The following KCNB2 variants were observed in gnomAD, a reference collection of about 807,000 sequenced individuals.
KCNB2 encodes potassium voltage-gated channel subfamily B member 2.
KCNB2 carries 15 observed loss-of-function variants against 61.5 expected under a neutral mutation model. The observed-to-expected ratio is 0.24, with a 90% CI of 0.16 to 0.38. The LOEUF (loss-of-function observed/expected upper bound fraction) is 0.38, where lower values mean the gene tolerates loss of function less well. Ranked by LOEUF, KCNB2 falls within the 10% of genes least tolerant of loss-of-function variation. KCNB2 has a pLI of 1.00. For missense variants in KCNB2, 828 were observed against 1,125.2 expected, an observed-to-expected ratio of 0.74 and a Z score of 3.78; for synonymous variants, 457 against 446.0, an observed-to-expected ratio of 1.02 and a Z score of -0.31.
chr8:72,600,563 T>C (rs757230787), intron 2 of KCNB2, among the ~76,000 whole-genome samples: 7 of 151,720 alleles, frequency 4.6e-5, no homozygotes, highest in Non-Finnish European at 8.8e-5. Context: ...CTGTACGTTG[T>C]GTACATGTAC....
At chr8:72,599,310 C>T (rs999606709) in intron 2 of KCNB2, among the ~76,000 whole-genome samples, 1 of 152,178 alleles carries the variant, frequency 6.6e-6, no homozygotes, top group Non-Finnish European at 1.5e-5. Context: ...CTACAACTAT[C>T]TGATCTTTGA....
intron 2 of KCNB2, among the ~76,000 whole-genome samples, chr8:72,607,400 G>C (rs1454046075): frequency 1.3e-5 from 2 of 152,192 alleles, no homozygotes; most frequent in Non-Finnish European, 2.9e-5. Flanking sequence ...ATTTCGGGGA[G>C]AGAGATGGAG....
intron 2 of KCNB2, among the ~76,000 whole-genome samples, chr8:72,626,517 T>A (rs939589167): frequency 6.6e-6 from 1 of 152,236 alleles, no homozygotes; most frequent in South Asian, 2.1e-4. Flanking sequence ...CTAGCTCTTG[T>A]TGAATTGCAG....
intron 2 of KCNB2, among the ~76,000 whole-genome samples, chr8:72,606,894 T>A (rs1805460344): frequency 6.6e-6 from 1 of 152,112 alleles, no homozygotes; most frequent in Non-Finnish European, 1.5e-5. Flanking sequence ...TGAGTGCCTC[T>A]CCTATGGGCT....
At chr8:72,590,413 C>T (rs1807076420) in intron 2 of KCNB2, among the ~76,000 whole-genome samples, 1 of 151,994 alleles carries the variant, frequency 6.6e-6, no homozygotes, top group East Asian at 1.9e-4. Flanking sequence ...GGAGCTAATA[C>T]CATTGAGCAA....
At chr8:72,867,032 A>G (rs1805531684) in intron 2 of KCNB2, among the ~76,000 whole-genome samples, 1 of 152,218 alleles carries the variant, frequency 6.6e-6, no homozygotes, top group Admixed American at 6.5e-5. Flanking sequence ...CTGAGTCCCA[A>G]GGAATTTCTA....
chr8:72,842,556 C>T (rs1284249894), intron 2 of KCNB2, among the ~76,000 whole-genome samples: 1 of 152,068 alleles, frequency 6.6e-6, no homozygotes, highest in Non-Finnish European at 1.5e-5. Context: ...TGTGAATCTT[C>T]CTGGTCCTGG....
At chr8:72,701,992 G>A (rs920544804) in intron 2 of KCNB2, among the ~76,000 whole-genome samples, 1 of 152,054 alleles carries the variant, frequency 6.6e-6, no homozygotes, top group African/African-American at 2.4e-5. Context: ...GGAAATTTTA[G>A]CTTTCTTCTT....
intron 2 of KCNB2, among the ~76,000 whole-genome samples, chr8:72,915,850 C>T (rs1806388979): frequency 6.6e-6 from 1 of 152,056 alleles, no homozygotes; most frequent in African/African-American, 2.4e-5. Context: ...ACCCGGGAGG[C>T]GGAGCTTGCA....
At chr8:72,737,472 A>T (rs1807866385) in intron 2 of KCNB2, among the ~76,000 whole-genome samples, 1 of 152,216 alleles carries the variant, frequency 6.6e-6, no homozygotes, top group Admixed American at 6.5e-5. Flanking sequence ...TTAGTTGAAG[A>T]TAAATGTTCT....
intron 2 of KCNB2, among the ~76,000 whole-genome samples, chr8:72,873,626 T>A (rs2129004926): frequency 6.6e-6 from 1 of 152,350 alleles, no homozygotes; most frequent in Non-Finnish European, 1.5e-5. Flanking sequence ...GAACCCATAC[T>A]ATAGTTGTTG....
intron 1 of KCNB2, among the ~76,000 whole-genome samples, chr8:72,564,711 T>C (rs1806595250): frequency 6.6e-6 from 1 of 152,194 alleles, no homozygotes; most frequent in Non-Finnish European, 1.5e-5. Flanking sequence ...ACAGATGCTA[T>C]GAGGTGCCTG....
chr8:72,936,079 G>A lies in KCNB2; in HGVS notation c.724G>A (p.Ala242Thr). 1 of 1,614,160 alleles carries A rather than the reference G, an allele frequency of 6.2e-7. No homozygotes were observed. ...AGCACACGTGGAGGCTGTGTGTATT[G>A]CATGGTTTACCATGGAGTACCTTTT... ...QLAHVEAVCI[A>T]WFTMEYLLRF... The change falls in exon 3 of 3, where the codon GCA becomes ACA. Residue 242 changes from alanine (A) to threonine (T), a missense_variant. By Grantham distance (58) the Ala-to-Thr change is moderately conservative. This residue lies in a region of KCNB2 where 163 missense variants were observed against 314.4 expected (regional missense o/e 0.52). Coordinates refer to ENST00000523207, the MANE Select transcript of KCNB2 (RefSeq NM_004770.3). The surrounding 1 kb of genome is among the most constrained non-coding windows in gnomAD (Gnocchi z 5.6).
At chr8:72,633,759 T>C (rs960963733) in intron 2 of KCNB2, among the ~76,000 whole-genome samples, 1 of 152,188 alleles carries the variant, frequency 6.6e-6, no homozygotes. Flanking sequence ...CACAATTAAA[T>C]GACCCCAGCC....
intron 2 of KCNB2, among the ~76,000 whole-genome samples, chr8:72,690,319 AGCTCCCAAGAAGCAAATT>A (rs1054026720): frequency 4.6e-5 from 7 of 152,194 alleles, no homozygotes; most frequent in African/African-American, 7.2e-5. Flanking sequence ...TTTCCCAATA[AGCTCCCAAGAAGCAAATT>A]GCTCCCAAGA....
At chr8:72,586,131 C>T (rs1218627365) in intron 2 of KCNB2, among the ~76,000 whole-genome samples, 2 of 152,198 alleles carry the variant, frequency 1.3e-5, no homozygotes, top group African/African-American at 4.8e-5. Flanking sequence ...TGAATTCCTA[C>T]AGCATTTCCA....
intron 2 of KCNB2, among the ~76,000 whole-genome samples, chr8:72,806,601 T>A (rs756067272): frequency 6.6e-6 from 1 of 150,606 alleles, no homozygotes; most frequent in Admixed American, 6.6e-5. Context: ...GGCGACAGAG[T>A]GAGAATCAGT....
intron 2 of KCNB2, among the ~76,000 whole-genome samples, chr8:72,764,057 G>T (rs749086967): frequency 1.3e-5 from 2 of 152,018 alleles, no homozygotes; most frequent in Non-Finnish European, 2.9e-5. Context: ...CAGAAACCAG[G>T]GCCAGTAACC....
chr8:72,921,257 T>C, intron 2 of KCNB2, among the ~76,000 whole-genome samples: 1 of 152,176 alleles, frequency 6.6e-6, no homozygotes, highest in East Asian at 1.9e-4. Context: ...TTCTTATGTT[T>C]TCTATTCTAC....
Sources: allele counts gnomAD v4.1 joint callset (sites outside exome capture counted in the v4.1 genomes callset), GRCh38; gene constraint gnomAD v4.1.1; regional missense constraint gnomAD v4.1.1; non-coding constraint Gnocchi (gnomAD v3.1); transcripts MANE v1.5; gene names NCBI Gene and HGNC (gene_info 2026-07-23, HGNC 2026-07-21).